Variants in PCSK6 observed in about 807,000 individuals in gnomAD.
PCSK6 encodes proprotein convertase subtilisin/kexin type 6.
PCSK6 carries 85 observed loss-of-function variants against 123.3 expected under a neutral mutation model. That is an observed-to-expected ratio of 0.69 (90% CI 0.58 to 0.83). The LOEUF (loss-of-function observed/expected upper bound fraction) is 0.83, where lower values mean the gene tolerates loss of function less well. PCSK6 is among the 40% of genes least tolerant of loss of function. The pLI is 0.00. For missense variants in PCSK6, 1,191 were observed against 1,282.3 expected (o/e 0.93, Z 1.09); for synonymous variants, 508 against 516.0 (o/e 0.98, Z 0.21).
At chr15:101,430,150 G>A (rs2056401573) in intron 4 of PCSK6, 87 bp from the exon 5 acceptor site, 2 of 970,810 alleles carry the variant, frequency 2.1e-6, no homozygotes, top group South Asian at 1.3e-5. Context: ...GGCAAATAGA[G>A]AAACCACACG....
intron 2 of PCSK6, 118 bp from the exon 3 acceptor site, chr15:101,432,218 T>C (rs2056468784): frequency 1.2e-6 from 1 of 821,912 alleles, no homozygotes; most frequent in Non-Finnish European, 2.0e-6. Flanking sequence ...AGCAGATATT[T>C]TAGATGGTAA....
chr15:101,339,323 GAAGT>G (rs973564129), intron 13 of PCSK6, among the ~76,000 whole-genome samples: 1 of 152,176 alleles, frequency 6.6e-6, no homozygotes, highest in Non-Finnish European at 1.5e-5. Flanking sequence ...GAAACACAGT[GAAGT>G]AAGAGAGCCC....
At chr15:101,350,475 T>G (rs2040861069) in intron 13 of PCSK6, among the ~76,000 whole-genome samples, 2 of 152,240 alleles carry the variant, frequency 1.3e-5, no homozygotes, top group African/African-American at 4.8e-5. Flanking sequence ...ATTACTTTAA[T>G]TTTACCCCTT....
In PCSK6 at chr15:101,313,770, G is replaced by C. The variant is rs1004238139; in HGVS notation, c.2570-265C>G. On this transcript the variant is annotated intron_variant, in intron 19 of 21. Coordinates refer to ENST00000611716, the MANE Select transcript of PCSK6 (RefSeq NM_002570.5). ...CACACCTGCCCACTGGCCGTGCCAC[G>C]ATGATGGGCCCTGTTTCCAACAGGC... The C allele has an allele frequency of 1.5e-5, 6 of 409,842 alleles. No homozygotes were observed. The Admixed American group carries it at 2.5e-4, about 17-fold the overall frequency. The allele number at this position is 409,842 out of a possible 1,614,324, so 25.4% of individuals were successfully genotyped here.
At position 101,313,382 on chromosome 15, in the gene PCSK6, C is replaced by T. The variant is rs368173731; in HGVS notation, c.2693G>A (p.Cys898Tyr). 19 of 1,612,654 alleles carry T rather than the reference C, an allele frequency of 1.2e-5. No homozygotes were observed. The highest frequency in any genetic ancestry group is 2.7e-5 in the African/African-American group (2 of 74,948). ...EEMPGLPHKV[C>Y]RRCDENCLSC... ...CCCGCCAGGAGGACCGTACCTTCGA[C>T]ACACTTTGTGGGGCAAGCCCGGCAT... Residue 898 changes from cysteine to tyrosine, a missense_variant, in exon 20 of 22, where the codon TGT becomes TAT. Physicochemically the swap from Cys to Tyr is radical, Grantham distance 194. Coordinates refer to ENST00000611716, the MANE Select transcript of PCSK6 (RefSeq NM_002570.5).
rs117952897 is a variant in PCSK6 at position 101,366,869 on chromosome 15, T to C, written c.1722-537A>G. Among the ~76,000 whole-genome samples, 65 of 152,312 alleles carry C rather than the reference T, an allele frequency of 4.3e-4. 1 individual carries two copies. The East Asian group carries it at 0.013, about 29-fold the overall frequency. Reference sequence around the variant, plus strand: ...TCCATGTTTGATTTCAAGCCAGCTGTGTGCACTGTTCTCTGGGAGACACAA... The same window carrying C: ...TCCATGTTTGATTTCAAGCCAGCTGCGTGCACTGTTCTCTGGGAGACACAA... On this transcript the variant is annotated intron_variant, in intron 12 of 21. Coordinates refer to ENST00000611716, the MANE Select transcript of PCSK6 (RefSeq NM_002570.5).
intron 12 of PCSK6, among the ~76,000 whole-genome samples, chr15:101,366,597 T>A (rs2041400928): frequency 6.6e-6 from 1 of 152,052 alleles, no homozygotes; most frequent in African/African-American, 2.4e-5. Context: ...GCAGGCAGGT[T>A]TCATATAACC....
intron 8 of PCSK6, 142 bp downstream of exon 8, chr15:101,393,070 G>A (rs1356279662): frequency 2.0e-5 from 15 of 737,208 alleles, no homozygotes; most frequent in South Asian, 1.4e-4. Flanking sequence ...CAAATTGTTC[G>A]CCGATGGGTG....
chr15:101,398,478 G>A lies in PCSK6; in HGVS notation c.922C>T (p.Pro308Ser). Residue 308 changes from proline to serine, a missense_variant, in exon 7 of 22, where the codon CCG (proline) becomes TCG (serine). Physicochemically the swap from Pro to Ser is moderately conservative, Grantham distance 74 (BLOSUM62 -1). Around this residue, in one of 3 missense-constraint regions of PCSK6, gnomAD observed 357 missense variants for 484.5 expected, o/e 0.74. Transcript: ENST00000611716. The surrounding 1 kb of genome is among the most constrained non-coding windows in gnomAD (Gnocchi z 4.6). ...TCCACCGTCTTGCCGTCGTCGTCCG[G>A]CCCCCAGCTGGCACTGTAAATGTCG... is the stretch of plus-strand genomic sequence containing the variant. ...YIDIYSASWG[P>S]DDDGKTVDGP... The A allele has an allele frequency of 6.2e-7, 1 of 1,613,930 alleles. No individual in the cohort carries two copies. The highest frequency in any genetic ancestry group is 8.5e-7 in the Non-Finnish European group (1 of 1,179,840).
chr15:101,457,640 T>C (rs1047723986), intron 1 of PCSK6, among the ~76,000 whole-genome samples: 6 of 152,206 alleles, frequency 3.9e-5, no homozygotes, highest in Non-Finnish European at 8.8e-5. Flanking sequence ...CAGTGGCCCC[T>C]GTGGGGAAGA....
chr15:101,324,966 T>C lies in PCSK6; in HGVS notation c.2261A>G (p.Glu754Gly). 1 of 1,613,278 alleles carries C rather than the reference T, an allele frequency of 6.2e-7. No individual in the cohort carries two copies. Among genetic ancestry groups the C allele is most frequent in the Non-Finnish European group, 8.5e-7 (1 of 1,179,894 alleles). ...RRCRRCHKGC[E>G]TCSSRAATQC... is the part of the protein sequence containing the mutation. Reference sequence around the variant, plus strand: ...CGTCGCAGCTCTGCTGGAGCAGGTCTCACACCCCTTGTGGCACCGGCGACA... The same window carrying C: ...CGTCGCAGCTCTGCTGGAGCAGGTCCCACACCCCTTGTGGCACCGGCGACA... Residue 754 changes from glutamate to glycine, a missense_variant, in exon 17 of 22, where the codon GAG (glutamate) becomes GGG (glycine). Glu to Gly is a moderately conservative substitution (Grantham distance 98, BLOSUM62 -2). Around this residue, in one of 3 missense-constraint regions of PCSK6, gnomAD observed 630 missense variants for 631.4 expected, o/e 1.00. Transcript: ENST00000611716.
At chr15:101,380,288 G>C (rs1047884675) in intron 11 of PCSK6, among the ~76,000 whole-genome samples, 1 of 152,184 alleles carries the variant, frequency 6.6e-6, no homozygotes, top group Non-Finnish European at 1.5e-5. Flanking sequence ...ATCTTAAAAC[G>C]ATTTCTGGCA....
intron 13 of PCSK6, among the ~76,000 whole-genome samples, chr15:101,334,854 G>C (rs1310481518): frequency 6.6e-6 from 1 of 150,972 alleles, no homozygotes; most frequent in Admixed American, 6.6e-5. Context: ...AGAATTCCCA[G>C]GGACCCAGCA....
chr15:101,409,929 T>C (rs1002456118), intron 6 of PCSK6, among the ~76,000 whole-genome samples: 3 of 152,092 alleles, frequency 2.0e-5, no homozygotes, highest in Admixed American at 1.3e-4. Flanking sequence ...GCCTTCACAC[T>C]TTTTTGTTTG....
chr15:101,459,489 C>T (rs113725782), intron 1 of PCSK6, among the ~76,000 whole-genome samples: 4,251 of 118,740 alleles, frequency 0.036, 229 homozygotes, highest in African/African-American at 0.11. Context: ...TAAGTCCACA[C>T]CACCCGCTGC....
At chr15:101,431,094 T>C (rs895859550) in intron 4 of PCSK6, among the ~76,000 whole-genome samples, 1 of 152,226 alleles carries the variant, frequency 6.6e-6, no homozygotes, top group Non-Finnish European at 1.5e-5. Context: ...TAAAAGTGTA[T>C]GTGACTGTGC....
chr15:101,382,243 C>G (rs2041929468), intron 10 of PCSK6, 34 bp from the exon 11 acceptor site: 1 of 1,493,538 alleles, frequency 6.7e-7, no homozygotes, highest in Non-Finnish European at 9.2e-7. Flanking sequence ...CCAGGCTCTC[C>G]TGCCTCTCCC....
chr15:101,394,863 A>AG (rs1266592050), intron 7 of PCSK6, among the ~76,000 whole-genome samples: 4 of 152,206 alleles, frequency 2.6e-5, no homozygotes, highest in Non-Finnish European at 4.4e-5. Flanking sequence ...CCGCTGCTTA[A>AG]GGCTGCCGCG....
At chr15:101,415,106 T>C (rs12437488) in intron 6 of PCSK6, among the ~76,000 whole-genome samples, 43,747 of 152,186 alleles carry the variant, frequency 0.29, 6,502 homozygotes, top group African/African-American at 0.36. Flanking sequence ...TAAATAGCTA[T>C]AAAATGTGTA....
Sources: allele counts gnomAD v4.1 joint callset (sites outside exome capture counted in the v4.1 genomes callset), GRCh38; gene constraint gnomAD v4.1.1; regional missense constraint gnomAD v4.1.1; non-coding constraint Gnocchi (gnomAD v3.1); transcripts MANE v1.5; gene names NCBI Gene and HGNC (gene_info 2026-07-23, HGNC 2026-07-21).